MACC1: variants seen among roughly 807,000 people sequenced by gnomAD.
MACC1 encodes the protein metastasis-associated in colon cancer protein 1.
A neutral mutation model predicts 70.7 loss-of-function variants in MACC1; 79 were observed. The ratio of observed to expected loss-of-function variants is 1.12; its 90% CI spans 0.93 to 1.35. The LOEUF (loss-of-function observed/expected upper bound fraction) is 1.35. Among genes scored for constraint, MACC1 ranks in the 40% most tolerant of loss-of-function variants. MACC1 has a pLI of 0.00. For missense variants in MACC1, 1,106 were observed against 978.1 expected (o/e 1.13, Z -1.74); for synonymous variants, 361 against 347.2 (o/e 1.04, Z -0.44).
At chr7:20,151,857 T>C (rs1781983566) in intron 6 of MACC1, among the ~76,000 whole-genome samples, 2 of 152,188 alleles carry the variant, frequency 1.3e-5, no homozygotes, top group African/African-American at 2.4e-5. Context: ...CTCTGCAACA[T>C]AGTCACCATA....
At chr7:20,188,079 C>T (rs1435738009) in intron 1 of MACC1, among the ~76,000 whole-genome samples, 1 of 152,084 alleles carries the variant, frequency 6.6e-6, no homozygotes, top group Non-Finnish European at 1.5e-5. Flanking sequence ...AGGGGGAAAG[C>T]CCCTTATAAA....
intron 1 of MACC1, among the ~76,000 whole-genome samples, chr7:20,177,290 T>A (rs1782408737): frequency 6.6e-6 from 1 of 152,188 alleles, no homozygotes; most frequent in African/African-American, 2.4e-5. Context: ...TCTTTGTATC[T>A]AATTATATCA....
intron 1 of MACC1, among the ~76,000 whole-genome samples, chr7:20,180,418 T>C (rs1782484852): frequency 6.9e-6 from 1 of 144,520 alleles, no homozygotes. Context: ...ACTTCAGCCT[T>C]GCGACAAAGC....
Position 20,158,766 on chromosome 7 carries a change from A to T in MACC1, c.1595T>A (p.Leu532Ter). The T allele has an allele frequency of 6.2e-7, 1 of 1,614,034 alleles. No homozygotes were observed. Among genetic ancestry groups the T allele is most frequent in the African/African-American group, 1.3e-5 (1 of 75,056 alleles). The change falls in exon 5 of 7, where the codon TTA (leucine) becomes TAA (stop). Residue 532 changes from leucine to a stop codon, truncating the protein, a stop_gained. Transcript: ENST00000400331. LOFTEE classifies it high-confidence loss of function. ...QKKEEIKSAP[L>*]SPKILVKYPT... Reference sequence around the variant, plus strand: ...ATATTTAACAAGAATTTTTGGTGATAAAGGAGCAGACTTGATTTCCTCCTT... The same window carrying T: ...ATATTTAACAAGAATTTTTGGTGATTAAGGAGCAGACTTGATTTCCTCCTT...
In MACC1 at chr7:20,202,115, T is replaced by A. The variant is rs575915487; in HGVS notation, c.-218+15184A>T. 2.0e-4 allele frequency among the ~76,000 whole-genome samples: 30 copies of A among 152,338 alleles called. 1 individual carries two copies. In the South Asian group the frequency reaches 6.2e-3, roughly 32 times the overall value. Reference sequence around the variant, plus strand: ...AAATGAGTCTGGTCTCAAAACCATGTCCGCACATCCAAGCCAGTGAATAGT... The same window carrying A: ...AAATGAGTCTGGTCTCAAAACCATGACCGCACATCCAAGCCAGTGAATAGT... On this transcript the variant is annotated intron_variant, in intron 1 of 6. Coordinates refer to ENST00000400331, the MANE Select transcript of MACC1 (RefSeq NM_182762.4).
chr7:20,199,203 C>T (rs1178027595), intron 1 of MACC1, among the ~76,000 whole-genome samples: 2 of 152,154 alleles, frequency 1.3e-5, no homozygotes, highest in African/African-American at 4.8e-5. Flanking sequence ...TTGAGACAGA[C>T]ACAGATTATG....
chr7:20,171,809 C>T (rs1288770539), intron 1 of MACC1, among the ~76,000 whole-genome samples: 1 of 152,060 alleles, frequency 6.6e-6, no homozygotes, highest in Non-Finnish European at 1.5e-5. Flanking sequence ...CTCGAACTCC[C>T]TACCTCAGGT....
chr7:20,213,059 C>T (rs761704852), intron 1 of MACC1, among the ~76,000 whole-genome samples: 38 of 152,156 alleles, frequency 2.5e-4, no homozygotes, highest in Non-Finnish European at 4.9e-4. Flanking sequence ...ATTTCCAAAG[C>T]CCACAGGCTG....
At chr7:20,179,328 T>TAA (rs1782463941) in intron 1 of MACC1, among the ~76,000 whole-genome samples, 1 of 152,228 alleles carries the variant, frequency 6.6e-6, no homozygotes, top group Non-Finnish European at 1.5e-5. Context: ...CACTTAATAA[T>TAA]TATGGCTGTG....
intron 1 of MACC1, among the ~76,000 whole-genome samples, chr7:20,212,621 T>C (rs1356222971): frequency 6.6e-6 from 1 of 152,104 alleles, no homozygotes; most frequent in Non-Finnish European, 1.5e-5. Flanking sequence ...TGGCCCTCCC[T>C]GATGGCACTC....
rs748737874 is a variant in MACC1 at position 20,141,084 on chromosome 7, T to G, written c.2421A>C (p.Leu807Phe). The stretch of plus-strand genomic sequence containing the variant: ...TGTCCAAAGCTGACTGAAGGTCTTG[T>G]AACACATCTCTGTAGTTATTTCCAT... Reference protein sequence around the residue: ...AHYGNNYRDVLQDLQSALDRM... With the variant: ...AHYGNNYRDVFQDLQSALDRM... Residue 807 changes from leucine to phenylalanine, a missense_variant, in exon 7 of 7, where the codon TTA becomes TTC. Coordinates refer to ENST00000400331, the MANE Select transcript of MACC1 (RefSeq NM_182762.4). 1.9e-6 allele frequency: 3 copies of G among 1,613,766 alleles called. No individual in the cohort carries two copies. In the South Asian group the frequency reaches 3.3e-5, roughly 18 times the overall value.
chr7:20,176,291 A>T (rs1424272653), intron 1 of MACC1, among the ~76,000 whole-genome samples: 5 of 152,026 alleles, frequency 3.3e-5, no homozygotes, highest in Admixed American at 6.5e-5. Context: ...CCTCAATAAA[A>T]CTCGTAAAAA....
At chr7:20,195,110 A>G (rs1268676893) in intron 1 of MACC1, among the ~76,000 whole-genome samples, 1 of 152,130 alleles carries the variant, frequency 6.6e-6, no homozygotes, top group Non-Finnish European at 1.5e-5. Flanking sequence ...AAAAAAAACA[A>G]GTATCCCCTA....
intron 1 of MACC1, among the ~76,000 whole-genome samples, chr7:20,186,714 A>C (rs142169353): frequency 0.011 from 1,605 of 152,256 alleles, 12 homozygotes; most frequent in Non-Finnish European, 0.015. Context: ...GGGAATATAA[A>C]TAACACTTTT....
At chr7:20,182,592 T>C (rs1384739606) in intron 1 of MACC1, among the ~76,000 whole-genome samples, 1 of 152,186 alleles carries the variant, frequency 6.6e-6, no homozygotes, top group East Asian at 1.9e-4. Context: ...GGACCATATA[T>C]ACCCTTTCCT....
chr7:20,154,078 TG>T, intron 6 of MACC1, 114 bp downstream of exon 6: 2 of 1,017,704 alleles, frequency 2.0e-6, no homozygotes, highest in Non-Finnish European at 1.5e-6. Flanking sequence ...ATTCAGTTAG[TG>T]GATCATCTTG....
At chr7:20,174,479 A>T (rs936996842) in intron 1 of MACC1, among the ~76,000 whole-genome samples, 3 of 152,206 alleles carry the variant, frequency 2.0e-5, no homozygotes, top group African/African-American at 7.2e-5. Context: ...TGCAGATATT[A>T]TAATGTTATG....
At chr7:20,210,361 C>G in intron 1 of MACC1, among the ~76,000 whole-genome samples, 1 of 152,208 alleles carries the variant, frequency 6.6e-6, no homozygotes. Flanking sequence ...TTAGGCATCA[C>G]TGTCCTATAC....
At chr7:20,182,009 C>A (rs1782516530) in intron 1 of MACC1, among the ~76,000 whole-genome samples, 1 of 151,572 alleles carries the variant, frequency 6.6e-6, no homozygotes, top group Non-Finnish European at 1.5e-5. Context: ...TACTATGCAG[C>A]CATAAAAAAG....
Sources: allele counts gnomAD v4.1 joint callset (sites outside exome capture counted in the v4.1 genomes callset), GRCh38; gene constraint gnomAD v4.1.1; transcripts MANE v1.5; gene names NCBI Gene and HGNC (gene_info 2026-07-23, HGNC 2026-07-21).